The following MTUS2 variants were observed in gnomAD, a reference collection of about 807,000 sequenced individuals.
MTUS2 encodes microtubule-associated tumor suppressor candidate 2.
Under a neutral mutation model 114.1 loss-of-function variants are expected in MTUS2, and 40 were observed. That is an observed-to-expected ratio of 0.35 (90% CI 0.27 to 0.46). The LOEUF is 0.46. MTUS2 is among the 20% of genes least tolerant of loss of function. The pLI is 1.00. For synonymous variants in MTUS2, 688 were observed against 672.0 expected, an observed-to-expected ratio of 1.02 and a Z score of -0.37; for missense variants, 1,679 against 1,705.4, an observed-to-expected ratio of 0.98 and a Z score of 0.27.
chr13:29,229,288 C>A (rs759055418), intron 5 of MTUS2, among the ~76,000 whole-genome samples: 1 of 152,170 alleles, frequency 6.6e-6, no homozygotes, highest in Non-Finnish European at 1.5e-5. Flanking sequence ...GCATCTGAAC[C>A]ATTAGTTTCA....
chr13:28,980,047 C>A (rs764228644), intron 2 of MTUS2, among the ~76,000 whole-genome samples: 1 of 151,990 alleles, frequency 6.6e-6, no homozygotes, highest in South Asian at 2.1e-4. Flanking sequence ...TATGCTTAGG[C>A]CAACTACATG....
intron 4 of MTUS2, among the ~76,000 whole-genome samples, chr13:29,037,232 C>T (rs1887123347): frequency 6.6e-6 from 1 of 152,182 alleles, no homozygotes; most frequent in Non-Finnish European, 1.5e-5. Flanking sequence ...TCAGCATTTG[C>T]TTGTCTGTCA....
chr13:29,404,282 G>C (rs1312561692), intron 8 of MTUS2, among the ~76,000 whole-genome samples: 3 of 151,884 alleles, frequency 2.0e-5, no homozygotes, highest in Non-Finnish European at 4.4e-5. Flanking sequence ...GCCTGGAGAG[G>C]TCGAGGCTGC....
rs1886454931 is a variant in MTUS2 at position 29,025,091 on chromosome 13, T to G, written c.393T>G (p.Ser131Arg). ...LQTTRSIQGP[S>R]LSSWRNVMSE... ...CCACGCGGAGTATTCAGGGACCAAG[T>G]CTGTCGAGTTGGAGGAATGTGATGA... is the stretch of plus-strand genomic sequence containing the variant. Residue 131 changes from serine (S) to arginine (R), a missense_variant, in exon 3 of 16, where the codon AGT becomes AGG. By Grantham distance (110) the Ser-to-Arg change is moderately radical. Transcript: ENST00000612955. 1 of 1,613,658 alleles carries G rather than the reference T, an allele frequency of 6.2e-7. No individual in the cohort carries two copies. The highest frequency in any genetic ancestry group is 8.5e-7 in the Non-Finnish European group (1 of 1,179,814).
chr13:29,199,247 A>C (rs940778948), intron 5 of MTUS2, among the ~76,000 whole-genome samples: 3 of 152,170 alleles, frequency 2.0e-5, no homozygotes, highest in Admixed American at 2.0e-4. Context: ...GTGGTGAGAG[A>C]GGGGATCTTT....
At chr13:29,089,219 T>C (rs1889831655) in intron 4 of MTUS2, among the ~76,000 whole-genome samples, 1 of 152,166 alleles carries the variant, frequency 6.6e-6, no homozygotes, top group Admixed American at 6.5e-5. Context: ...TGAAGCATAG[T>C]TTGGCTGGGT....
chr13:29,350,981 A>ATATATATATATATATATATATATATC (rs1566147450), intron 7 of MTUS2, among the ~76,000 whole-genome samples: 1 of 115,082 alleles, frequency 8.7e-6, no homozygotes, highest in Non-Finnish European at 1.9e-5. Context: ...ATATATATAT[A>ATATATATATATATATATATATATATC]TATCTTCAGA....
At chr13:29,183,798 T>A (rs1894106133) in intron 5 of MTUS2, among the ~76,000 whole-genome samples, 2 of 152,198 alleles carry the variant, frequency 1.3e-5, no homozygotes, top group Admixed American at 1.3e-4. Context: ...TAGATTGACC[T>A]TAAAAATAAT....
At chr13:29,493,916 G>A (rs575089133) in intron 12 of MTUS2, among the ~76,000 whole-genome samples, 3 of 152,334 alleles carry the variant, frequency 2.0e-5, no homozygotes, top group South Asian at 4.1e-4. Context: ...TGTTGTGACT[G>A]TCCAGCAGAA....
At chr13:29,286,178 A>G (rs1206771001) in intron 6 of MTUS2, among the ~76,000 whole-genome samples, 1 of 152,200 alleles carries the variant, frequency 6.6e-6, no homozygotes, top group African/African-American at 2.4e-5. Flanking sequence ...TGCCCGCCTC[A>G]GCCTCCCAAA....
At chr13:28,894,085 T>C (rs950162321) in intron 2 of MTUS2, among the ~76,000 whole-genome samples, 2 of 151,720 alleles carry the variant, frequency 1.3e-5, no homozygotes, top group African/African-American at 4.8e-5. Context: ...TCCCTCTTCA[T>C]CTCTTTTTCT....
intron 4 of MTUS2, among the ~76,000 whole-genome samples, chr13:29,066,732 C>G (rs1307907120): frequency 1.3e-5 from 2 of 152,180 alleles, no homozygotes; most frequent in Non-Finnish European, 2.9e-5. Context: ...GTAGAAGGCA[C>G]AGATTAAATG....
At chr13:29,038,858 T>C (rs970870711) in intron 4 of MTUS2, among the ~76,000 whole-genome samples, 3 of 152,178 alleles carry the variant, frequency 2.0e-5, no homozygotes, top group African/African-American at 7.2e-5. Flanking sequence ...GAAAACCACC[T>C]ACTCAAGCCT....
chr13:29,208,832 A>G (rs1352152476), intron 5 of MTUS2, among the ~76,000 whole-genome samples: 1 of 151,854 alleles, frequency 6.6e-6, no homozygotes, highest in African/African-American at 2.4e-5. Context: ...ATTTATTGAG[A>G]CTTCTTTTGT....
chr13:28,846,826 C>T (rs1304219398), intron 2 of MTUS2, among the ~76,000 whole-genome samples: 7 of 152,186 alleles, frequency 4.6e-5, no homozygotes, highest in South Asian at 2.1e-4. Context: ...AGCTCCGTCG[C>T]GATTTTTCAT....
intron 2 of MTUS2, among the ~76,000 whole-genome samples, chr13:28,986,652 G>A (rs1167923203): frequency 6.6e-6 from 1 of 152,186 alleles, no homozygotes. Flanking sequence ...TAGAGTCCAA[G>A]TCTTAGATGG....
chr13:29,028,326 G>C (rs916487320), intron 3 of MTUS2, among the ~76,000 whole-genome samples: 2 of 149,264 alleles, frequency 1.3e-5, no homozygotes, highest in African/African-American at 5.0e-5. Context: ...ACTTCAGCCT[G>C]GCAACAGAGC....
intron 8 of MTUS2, among the ~76,000 whole-genome samples, chr13:29,436,857 A>T (rs1334047829): frequency 4.0e-5 from 6 of 149,206 alleles, no homozygotes; most frequent in African/African-American, 1.5e-4. Flanking sequence ...GGTTTCCATC[A>T]ATCTTATTTG....
chr13:29,385,675 G>T (rs1288021693), intron 8 of MTUS2, among the ~76,000 whole-genome samples: 1 of 151,980 alleles, frequency 6.6e-6, no homozygotes, highest in Non-Finnish European at 1.5e-5. Flanking sequence ...CCCCAGCTTG[G>T]GGACAAATGA....
Sources: gnomAD v4.1 joint callset for allele counts (sites outside exome capture counted in the v4.1 genomes callset) on GRCh38, gnomAD v4.1.1 for gene constraint, MANE v1.5 for transcripts, NCBI Gene and HGNC (gene_info 2026-07-23, HGNC 2026-07-21) for gene names.